CFHR5: variants seen among roughly 807,000 people sequenced by gnomAD.
CFHR5 encodes the protein complement factor H-related protein 5.
Under a neutral mutation model 62.9 loss-of-function variants are expected in CFHR5, and 73 were observed. The observed-to-expected ratio is 1.16, with a 90% CI of 0.96 to 1.41. The LOEUF is 1.41. CFHR5 is among the 40% of genes most tolerant of loss of function. The pLI is 0.00. For missense variants in CFHR5, 779 were observed against 679.9 expected (o/e 1.15, Z -1.62); for synonymous variants, 249 against 227.2 (o/e 1.10, Z -0.86).
intron 3 of CFHR5, among the ~76,000 whole-genome samples, chr1:196,985,746 T>A (rs914205686): frequency 2.0e-5 from 3 of 152,210 alleles, no homozygotes; most frequent in Non-Finnish European, 4.4e-5. Flanking sequence ...GTACAGTCTG[T>A]AAGATTTTGT....
intron 7 of CFHR5, among the ~76,000 whole-genome samples, chr1:197,002,257 C>T (rs932696707): frequency 1.3e-5 from 2 of 151,906 alleles, no homozygotes; most frequent in Non-Finnish European, 2.9e-5. Context: ...AAATTTTAAA[C>T]TAATGGTTAT....
chr1:197,002,373 CAT>C (rs1654174833), intron 7 of CFHR5, 107 bp from the exon 8 acceptor site: 5 of 726,152 alleles, frequency 6.9e-6, no homozygotes, highest in South Asian at 3.3e-5. Flanking sequence ...GATAGAGAGA[CAT>C]AGTGTGTGTG....
chr1:197,007,950 T>C (rs1654335152), intron 9 of CFHR5, among the ~76,000 whole-genome samples: 3 of 147,636 alleles, frequency 2.0e-5, no homozygotes, highest in Admixed American at 6.8e-5. Flanking sequence ...ATGTATGTTA[T>C]ATATACACAT....
At chr1:197,003,275 G>A (rs968086575) in intron 8 of CFHR5, among the ~76,000 whole-genome samples, 24 of 152,076 alleles carry the variant, frequency 1.6e-4, no homozygotes, top group South Asian at 4.2e-4. Context: ...ATGCTCATTC[G>A]CCTGCCTCTC....
At chr1:197,005,029 A>T (rs1403889259) in intron 9 of CFHR5, among the ~76,000 whole-genome samples, 186 bp downstream of exon 9, 1 of 152,206 alleles carries the variant, frequency 6.6e-6, no homozygotes, top group Non-Finnish European at 1.5e-5. Context: ...ATTTATTTAA[A>T]AACTATAAAT....
Position 196,982,934 on chromosome 1 carries a change from A to G in CFHR5, c.108A>G (p.Glu36=). ...PKIHHGFLYD[E]EDYNPFSQVP... The stretch of plus-strand genomic sequence containing the variant: ...TACACCATGGATTTCTGTATGATGA[A>G]GAAGATTATAACCCTTTTTCCCAAG... Residue 36 remains glutamate (E), a synonymous_variant, in exon 2 of 10, where the codon GAA becomes GAG. Coordinates refer to ENST00000256785, the MANE Select transcript of CFHR5 (RefSeq NM_030787.4). 6.2e-7 allele frequency: 1 copy of G among 1,614,026 alleles called. No homozygotes were observed. Among genetic ancestry groups the G allele is most frequent in the Non-Finnish European group, 8.5e-7 (1 of 1,179,932 alleles).
intron 1 of CFHR5, among the ~76,000 whole-genome samples, chr1:196,979,175 A>G (rs904790516): frequency 1.3e-5 from 2 of 152,084 alleles, no homozygotes; most frequent in Non-Finnish European, 2.9e-5. Flanking sequence ...CCCACCCCTC[A>G]CTACTACTTA....
At position 197,008,697 on chromosome 1, in the gene CFHR5, T is replaced by C; in HGVS notation, c.*14T>C. 1 of 1,595,698 alleles carries C rather than the reference T, an allele frequency of 6.3e-7. No individual in the cohort carries two copies. The highest frequency in any genetic ancestry group is 8.6e-7 in the Non-Finnish European group (1 of 1,163,442). The stretch of plus-strand genomic sequence containing the variant: ...ATATGTGAATGAAGCAAGCATAATT[T>C]TCCTGAATATATTCTTCAAACATCC... On this transcript the variant is annotated 3_prime_UTR_variant, in exon 10 of 10. Transcript: ENST00000256785.
At chr1:196,978,618 T>C (rs1370631377) in intron 1 of CFHR5, among the ~76,000 whole-genome samples, 1 of 152,180 alleles carries the variant, frequency 6.6e-6, no homozygotes, top group Non-Finnish European at 1.5e-5. Context: ...ATGCTTTCTT[T>C]TTAAGATATG....
intron 1 of CFHR5, among the ~76,000 whole-genome samples, chr1:196,979,613 G>T (rs1171553366): frequency 6.6e-6 from 1 of 152,170 alleles, no homozygotes; most frequent in Non-Finnish European, 1.5e-5. Context: ...AGGACTGAAA[G>T]TTGTTCTGGG....
chr1:197,007,132 G>A (rs376569484), intron 9 of CFHR5, among the ~76,000 whole-genome samples: 15 of 151,924 alleles, frequency 9.9e-5, no homozygotes, highest in African/African-American at 3.6e-4. Context: ...ACCACGCCCG[G>A]CCCAATGTAG....
chr1:196,994,001 C>G, intron 3 of CFHR5, 79 bp from the exon 4 acceptor site: 1 of 1,088,546 alleles, frequency 9.2e-7, no homozygotes, highest in East Asian at 2.4e-5. Flanking sequence ...AAGCCCCTTG[C>G]ATCTTATTTT....
At chr1:196,984,732 C>A (rs1653635969) in intron 3 of CFHR5, among the ~76,000 whole-genome samples, 1 of 152,144 alleles carries the variant, frequency 6.6e-6, no homozygotes, top group Non-Finnish European at 1.5e-5. Flanking sequence ...CAATGCGATT[C>A]CATCCTATGC....
At chr1:196,995,315 G>A (rs1293949220) in intron 4 of CFHR5, among the ~76,000 whole-genome samples, 1 of 149,272 alleles carries the variant, frequency 6.7e-6, no homozygotes, top group African/African-American at 2.4e-5. Flanking sequence ...TTAATTTGGT[G>A]AAATGTAAAA....
At chr1:196,975,520 A>G (rs779885430), upstream of CFHR5, among the ~76,000 whole-genome samples, 33 of 152,214 alleles carry the variant, frequency 2.2e-4, no homozygotes, top group Non-Finnish European at 4.4e-4. Context: ...GACCATAACA[A>G]GATAGGAGTA....
rs557881913 is a variant in CFHR5, at chr1:196,990,417, T to C, written c.431-3663T>C. On this transcript the variant is annotated intron_variant, in intron 3 of 9. Transcript: ENST00000256785. ...TGTGAATTTGATCCTGTTATTGTGA[T>C]GTTAGCTAGTTATTTTGCCCGTTAG... Among the ~76,000 whole-genome samples, 9 of 152,286 alleles carry C rather than the reference T, an allele frequency of 5.9e-5. No homozygotes were observed. The South Asian group carries it at 1.9e-3, about 32-fold the overall frequency.
intron 1 of CFHR5, among the ~76,000 whole-genome samples, chr1:196,979,851 C>A (rs1467466389): frequency 6.6e-6 from 1 of 151,982 alleles, no homozygotes; most frequent in African/African-American, 2.4e-5. Context: ...ATTTTTAAAA[C>A]TTTTCTTCAA....
At chr1:196,978,823 A>AG (rs1178724409) in intron 1 of CFHR5, among the ~76,000 whole-genome samples, 4 of 152,302 alleles carry the variant, frequency 2.6e-5, no homozygotes, top group South Asian at 2.1e-4. Context: ...GGATTTCTAA[A>AG]GGGGGGTGGA....
chr1:196,991,285 T>A (rs191289228), intron 3 of CFHR5, among the ~76,000 whole-genome samples: 1 of 152,308 alleles, frequency 6.6e-6, no homozygotes, highest in African/African-American at 2.4e-5. Context: ...TCAAGGTTTT[T>A]AGCTTCCTTG....
Sources: allele counts gnomAD v4.1 joint callset (sites outside exome capture counted in the v4.1 genomes callset), GRCh38; gene constraint gnomAD v4.1.1; transcripts MANE v1.5; gene names NCBI Gene and HGNC (gene_info 2026-07-23, HGNC 2026-07-21).